Variants in ARHGEF28 observed in about 807,000 individuals in gnomAD.
ARHGEF28 encodes Rho guanine nucleotide exchange factor 28.
Under a neutral mutation model 206.6 loss-of-function variants are expected in ARHGEF28, and 152 were observed. The observed-to-expected ratio is 0.74, with a 90% CI of 0.64 to 0.84. ARHGEF28 has a LOEUF of 0.84. Among genes scored for constraint, ARHGEF28 ranks in the 40% least tolerant of loss-of-function variants. ARHGEF28 has a pLI of 0.00. For synonymous variants in ARHGEF28, 763 were observed against 776.4 expected (o/e 0.98, Z 0.29); for missense variants, 2,028 against 2,073.2 (o/e 0.98, Z 0.42).
chr5:73,760,849 G>C (rs535790782), intron 4 of ARHGEF28, among the ~76,000 whole-genome samples: 34 of 152,180 alleles, frequency 2.2e-4, no homozygotes, highest in Non-Finnish European at 4.4e-4. Flanking sequence ...CACATTCTCT[G>C]TTTAAGGTAC....
At chr5:73,739,614 T>C (rs1226273338) in intron 2 of ARHGEF28, among the ~76,000 whole-genome samples, 1 of 150,672 alleles carries the variant, frequency 6.6e-6, no homozygotes, top group East Asian at 2.0e-4. Context: ...AGCCCAGGAG[T>C]TCAGGACCAG....
At chr5:73,833,985 C>T (rs1350525044) in intron 10 of ARHGEF28, among the ~76,000 whole-genome samples, 1 of 152,098 alleles carries the variant, frequency 6.6e-6, no homozygotes, top group Non-Finnish European at 1.5e-5. Flanking sequence ...CAGTGCCAAA[C>T]CATACCACAG....
At chr5:73,787,756 T>C (rs544116204) in intron 7 of ARHGEF28, among the ~76,000 whole-genome samples, 1 of 152,356 alleles carries the variant, frequency 6.6e-6, no homozygotes, top group East Asian at 1.9e-4. Flanking sequence ...CAGCCTTTTC[T>C]GTATTTCCTT....
At chr5:73,653,061 A>G (rs1485921630) in intron 1 of ARHGEF28, among the ~76,000 whole-genome samples, 1 of 152,208 alleles carries the variant, frequency 6.6e-6, no homozygotes, top group African/African-American at 2.4e-5. Context: ...CTGTTGGTCA[A>G]TAGCTCTATT....
intron 35 of ARHGEF28, among the ~76,000 whole-genome samples, chr5:73,929,232 T>C (rs935208987): frequency 6.6e-6 from 1 of 152,212 alleles, no homozygotes; most frequent in Non-Finnish European, 1.5e-5. Flanking sequence ...ATCACTCAAC[T>C]TCAGAAAATC....
At chr5:73,866,738 A>G (rs1312115658) in intron 18 of ARHGEF28, among the ~76,000 whole-genome samples, 1 of 152,334 alleles carries the variant, frequency 6.6e-6, no homozygotes, top group Non-Finnish European at 1.5e-5. Flanking sequence ...CATTGCATAC[A>G]AGAACCAATC....
chr5:73,737,212 C>T (rs1178593877), intron 2 of ARHGEF28, among the ~76,000 whole-genome samples: 2 of 152,170 alleles, frequency 1.3e-5, no homozygotes, highest in Non-Finnish European at 2.9e-5. Context: ...CCTCTCCCCT[C>T]CTCCTTTTTA....
chr5:73,841,174 T>C (rs1385310477), intron 11 of ARHGEF28, among the ~76,000 whole-genome samples: 1 of 152,162 alleles, frequency 6.6e-6, no homozygotes, highest in Non-Finnish European at 1.5e-5. Context: ...AGTATTATTA[T>C]AGCAGCAGGA....
At chr5:73,732,045 GAACT>G (rs2112352354) in intron 2 of ARHGEF28, among the ~76,000 whole-genome samples, 2 of 140,880 alleles carry the variant, frequency 1.4e-5, no homozygotes, top group South Asian at 4.5e-4. Flanking sequence ...AACAATTGAT[GAACT>G]AACATTGACA....
At chr5:73,774,118 C>A in intron 5 of ARHGEF28, 80 bp downstream of exon 5, 1 of 1,319,160 alleles carries the variant, frequency 7.6e-7, no homozygotes, top group Non-Finnish European at 1.0e-6. Flanking sequence ...AATAACCAAA[C>A]CACAAGCTAA....
In ARHGEF28 at chr5:73,840,354, ATCTG is replaced by A. The variant is rs1181691515; in HGVS notation, c.1147-125_1147-122del. 9 of 849,870 alleles carry A rather than the reference ATCTG, an allele frequency of 1.1e-5. No homozygotes were observed. In the East Asian group the frequency reaches 2.4e-4, roughly 22 times the overall value. The allele number at this position is 849,870 out of a possible 1,614,324, so 52.6% of individuals were successfully genotyped here. A position where few individuals can be genotyped will look rare whatever the true frequency, so the allele number is the denominator to read the frequency against. On this transcript the variant is annotated intron_variant, in intron 10 of 35. Coordinates refer to ENST00000513042, the MANE Select transcript of ARHGEF28 (RefSeq NM_001177693.2). The stretch of plus-strand genomic sequence containing the variant: ...AGTCTTGAACTCCTGACCTCAAGTG[ATCTG>A]CCAGCCTCGGCCTCCTACCACGCCT...
At chr5:73,669,498 A>C (rs2112210532) in intron 1 of ARHGEF28, among the ~76,000 whole-genome samples, 1 of 152,320 alleles carries the variant, frequency 6.6e-6, no homozygotes, top group Non-Finnish European at 1.5e-5. Flanking sequence ...TTAATATAAC[A>C]ACCAATCTAG....
intron 14 of ARHGEF28, among the ~76,000 whole-genome samples, chr5:73,856,694 G>C (rs1416776608): frequency 1.3e-5 from 2 of 151,942 alleles, no homozygotes; most frequent in East Asian, 3.9e-4. Flanking sequence ...ATATATTTTG[G>C]TGTAAATCAG....
rs146240559 is a variant in ARHGEF28 at position 73,732,361 on chromosome 5, A to G, written c.34-17476A>G. Reference sequence around the variant, plus strand: ...AGCTTTTTTTTTTTCACTCAGTGACATGCATTTAAGGTTCCTTCATGTCTT... The same window carrying G: ...AGCTTTTTTTTTTTCACTCAGTGACGTGCATTTAAGGTTCCTTCATGTCTT... On this transcript the variant is annotated intron_variant, in intron 2 of 35. Transcript: ENST00000513042. Among the ~76,000 whole-genome samples, 505 of 151,878 alleles carry G rather than the reference A, an allele frequency of 3.3e-3. 3 individuals carry two copies. Among genetic ancestry groups the G allele is most frequent in the African/African-American group, 0.011 (475 of 41,410 alleles).
At chr5:73,814,614 G>A (rs976096248) in intron 9 of ARHGEF28, among the ~76,000 whole-genome samples, 1 of 152,030 alleles carries the variant, frequency 6.6e-6, no homozygotes. Flanking sequence ...ATTTTCATAA[G>A]CTTACAAGCA....
chr5:73,872,538 C>T (rs1006305791), intron 21 of ARHGEF28, among the ~76,000 whole-genome samples: 3 of 152,114 alleles, frequency 2.0e-5, no homozygotes, highest in Non-Finnish European at 2.9e-5. Context: ...ATAGAAAGGA[C>T]CTATGGTTAT....
intron 16 of ARHGEF28, among the ~76,000 whole-genome samples, chr5:73,858,425 C>CCTCA (rs10634993): frequency 0.62 from 94,167 of 151,402 alleles, 29,823 homozygotes; most frequent in African/African-American, 0.74. Context: ...GATTTGTATG[C>CCTCA]CTGTCTCCAC....
At chr5:73,676,318 C>T (rs1746685583) in intron 1 of ARHGEF28, among the ~76,000 whole-genome samples, 1 of 151,828 alleles carries the variant, frequency 6.6e-6, no homozygotes, top group Non-Finnish European at 1.5e-5. Context: ...TCACTGCAAC[C>T]TCTGCCTCCT....
At chr5:73,778,210 C>G (rs1347829788) in intron 6 of ARHGEF28, 1 of 152,232 alleles carries the variant, frequency 6.6e-6, no homozygotes, top group Non-Finnish European at 1.5e-5. Flanking sequence ...CAGAGCTCAG[C>G]CAAGTGCTTT....
Sources: allele counts gnomAD v4.1 joint callset (sites outside exome capture counted in the v4.1 genomes callset), GRCh38; gene constraint gnomAD v4.1.1; transcripts MANE v1.5; gene names NCBI Gene and HGNC (gene_info 2026-07-23, HGNC 2026-07-21).